MND1: variants seen among roughly 807,000 people sequenced by gnomAD.
The protein encoded by MND1 is meiotic nuclear division protein 1 homolog.
MND1 carries 28 observed loss-of-function variants against 35.1 expected under a neutral mutation model. The observed-to-expected ratio is 0.80, with a 90% CI of 0.59 to 1.09. The LOEUF (loss-of-function observed/expected upper bound fraction) is 1.09. Ranked by LOEUF, MND1 falls within the 50% of genes least tolerant of loss-of-function variation. The pLI is 0.00. For synonymous variants in MND1, 69 were observed against 70.5 expected (o/e 0.98, Z 0.11); for missense variants, 213 against 239.6 (o/e 0.89, Z 0.73).
chr4:153,398,752 C>A (rs747239621), intron 6 of MND1, among the ~76,000 whole-genome samples: 1 of 151,372 alleles, frequency 6.6e-6, no homozygotes, highest in Non-Finnish European at 1.5e-5. Context: ...AAGTGCTAAT[C>A]AAATCTACAC....
chr4:153,382,312 G>A (rs1375864922), intron 4 of MND1, among the ~76,000 whole-genome samples: 1 of 152,136 alleles, frequency 6.6e-6, no homozygotes, highest in African/African-American at 2.4e-5. Flanking sequence ...TCACCTTTCA[G>A]ATAACCTCTA....
intron 6 of MND1, among the ~76,000 whole-genome samples, chr4:153,406,448 G>C (rs187122438): frequency 2.0e-4 from 30 of 152,110 alleles, no homozygotes; most frequent in African/African-American, 7.2e-4. Flanking sequence ...CTTGAACCAG[G>C]AAGGCAGAGG....
At chr4:153,395,698 C>T (rs140259556) in intron 5 of MND1, among the ~76,000 whole-genome samples, 12 of 152,158 alleles carry the variant, frequency 7.9e-5, no homozygotes, top group Admixed American at 5.9e-4. Context: ...CGGTGGCTAC[C>T]GTTACTGTCT....
At chr4:153,386,619 G>A (rs892396486) in intron 4 of MND1, among the ~76,000 whole-genome samples, 3 of 152,126 alleles carry the variant, frequency 2.0e-5, no homozygotes, top group Admixed American at 2.0e-4. Context: ...AGGAGGCTGA[G>A]GCAGGAGAAC....
In MND1 at chr4:153,358,543, G is replaced by A; in HGVS notation, c.197G>A (p.Gly66Glu). 7 of 1,613,648 alleles carry A rather than the reference G, an allele frequency of 4.3e-6. No individual in the cohort carries two copies. The highest frequency in any genetic ancestry group is 5.9e-6 in the Non-Finnish European group (7 of 1,179,790). Residue 66 changes from glycine (G) to glutamate (E), a missense_variant, in exon 4 of 8, where the codon GGA (glycine) becomes GAA (glutamate). Gly to Glu is a moderately conservative substitution (Grantham distance 98). Transcript: ENST00000240488. ...DDGMVDCERI[G>E]TSNYYWAFPS... Reference sequence around the variant, plus strand: ...GGTATGGTTGACTGTGAGAGGATCGGAACTTCTAATTATTATTGGGCTTTT... The same window carrying A: ...GGTATGGTTGACTGTGAGAGGATCGAAACTTCTAATTATTATTGGGCTTTT...
At chr4:153,352,757 A>C (rs1412966498) in intron 2 of MND1, among the ~76,000 whole-genome samples, 1 of 151,668 alleles carries the variant, frequency 6.6e-6, no homozygotes, top group Non-Finnish European at 1.5e-5. Flanking sequence ...AAAAAAAAAA[A>C]AAAAAAAAAA....
At chr4:153,406,409 C>A (rs1377063932) in intron 6 of MND1, among the ~76,000 whole-genome samples, 1 of 151,982 alleles carries the variant, frequency 6.6e-6, no homozygotes, top group African/African-American at 2.4e-5. Context: ...GTAATCCCAG[C>A]TACTCGGGAG....
chr4:153,345,628 T>G (rs1773059420), intron 1 of MND1: 1 of 788,036 alleles, frequency 1.3e-6, no homozygotes, highest in South Asian at 5.8e-5. Flanking sequence ...GTTAAATGGA[T>G]CTAAGATTTT....
At chr4:153,395,942 C>G (rs1729187427) in intron 5 of MND1, among the ~76,000 whole-genome samples, 1 of 152,048 alleles carries the variant, frequency 6.6e-6, no homozygotes, top group Non-Finnish European at 1.5e-5. Flanking sequence ...CCAGGCTGCC[C>G]TTGAACTCCT....
At chr4:153,368,471 T>C (rs1773712801) in intron 4 of MND1, among the ~76,000 whole-genome samples, 1 of 152,206 alleles carries the variant, frequency 6.6e-6, no homozygotes, top group Non-Finnish European at 1.5e-5. Flanking sequence ...CCCTGGCAAC[T>C]AATGGTGGCA....
At chr4:153,363,225 T>C (rs1249349258) in intron 4 of MND1, among the ~76,000 whole-genome samples, 3 of 152,002 alleles carry the variant, frequency 2.0e-5, no homozygotes, top group Admixed American at 6.6e-5. Flanking sequence ...TTTTTTTTTT[T>C]TTTGAGATGG....
chr4:153,370,039 C>T (rs991694754), intron 4 of MND1, among the ~76,000 whole-genome samples: 30 of 151,922 alleles, frequency 2.0e-4, no homozygotes, highest in African/African-American at 3.1e-4. Flanking sequence ...CCCAGCACTT[C>T]GGGAGGCTGA....
intron 4 of MND1, among the ~76,000 whole-genome samples, chr4:153,391,094 A>G (rs1481855292): frequency 1.3e-5 from 2 of 152,130 alleles, no homozygotes; most frequent in Non-Finnish European, 2.9e-5. Flanking sequence ...TTACTCCTAA[A>G]TTTAAATGTT....
At chr4:153,352,999 C>T (rs140671005) in intron 2 of MND1, among the ~76,000 whole-genome samples, 41 of 152,236 alleles carry the variant, frequency 2.7e-4, no homozygotes, top group African/African-American at 9.6e-4. Context: ...GCAGCCAGTA[C>T]ATCTGGAGCT....
At chr4:153,391,060 AT>A (rs145023235) in intron 4 of MND1, among the ~76,000 whole-genome samples, 9,781 of 152,064 alleles carry the variant, frequency 0.064, 514 homozygotes, top group African/African-American at 0.15. Context: ...TAAAATATGT[AT>A]TTTTTTAATT....
intron 4 of MND1, among the ~76,000 whole-genome samples, chr4:153,369,613 G>A (rs1238789481): frequency 1.3e-5 from 2 of 152,214 alleles, no homozygotes; most frequent in African/African-American, 2.4e-5. Context: ...GAGCATCTGA[G>A]CCTTCTGTGA....
At chr4:153,365,711 C>T (rs1413288433) in intron 4 of MND1, among the ~76,000 whole-genome samples, 9 of 152,118 alleles carry the variant, frequency 5.9e-5, no homozygotes, top group Non-Finnish European at 1.5e-5. Flanking sequence ...GCAGTCCTCC[C>T]ATCTCAGCCT....
At chr4:153,362,149 A>G (rs988713841) in intron 4 of MND1, among the ~76,000 whole-genome samples, 1 of 152,106 alleles carries the variant, frequency 6.6e-6, no homozygotes, top group Non-Finnish European at 1.5e-5. Context: ...AGTTCTGCCT[A>G]TCCTGTTTTT....
intron 4 of MND1, among the ~76,000 whole-genome samples, chr4:153,376,519 T>C (rs527669181): frequency 1.4e-4 from 21 of 152,282 alleles, no homozygotes; most frequent in African/African-American, 5.1e-4. Flanking sequence ...CTTGTGTTAG[T>C]GGACATAGCA....
Sources: gnomAD v4.1 joint callset for allele counts (sites outside exome capture counted in the v4.1 genomes callset) on GRCh38, gnomAD v4.1.1 for gene constraint, MANE v1.5 for transcripts, NCBI Gene and HGNC (gene_info 2026-07-23, HGNC 2026-07-21) for gene names.